ADAM12: variants seen among roughly 807,000 people sequenced by gnomAD.
ADAM12 encodes the protein disintegrin and metalloproteinase domain-containing protein 12.
In ADAM12, 70 loss-of-function variants were observed where a neutral mutation model predicts 106.4. The ratio of observed to expected loss-of-function variants is 0.66; its 90% CI spans 0.54 to 0.80. The LOEUF is 0.80. Ranked by LOEUF, ADAM12 falls within the 30% of genes least tolerant of loss-of-function variation. ADAM12 has a pLI of 0.00. For missense variants in ADAM12, 1,010 were observed against 1,171.9 expected, an observed-to-expected ratio of 0.86 and a Z score of 2.02; for synonymous variants, 420 against 433.5, an observed-to-expected ratio of 0.97 and a Z score of 0.39.
intron 22 of ADAM12, among the ~76,000 whole-genome samples, chr10:126,017,658 G>A (rs923454380): frequency 6.6e-6 from 1 of 152,160 alleles, no homozygotes; most frequent in African/African-American, 2.4e-5. Flanking sequence ...TATACCTAGA[G>A]GATTATTTCA....
At chr10:126,226,896 A>C (rs2133862263) in intron 3 of ADAM12, among the ~76,000 whole-genome samples, 1 of 152,320 alleles carries the variant, frequency 6.6e-6, no homozygotes, top group East Asian at 1.9e-4. Context: ...TCTGGGTGGA[A>C]ATATGAACAT....
At chr10:126,226,110 A>G (rs73382659) in intron 3 of ADAM12, among the ~76,000 whole-genome samples, 299 of 149,860 alleles carry the variant, frequency 2.0e-3, no homozygotes, top group African/African-American at 7.1e-3. Flanking sequence ...TGCTCTAGGC[A>G]CATGGTACAG....
At chr10:126,131,795 T>C (rs1312703581) in intron 5 of ADAM12, among the ~76,000 whole-genome samples, 1 of 152,228 alleles carries the variant, frequency 6.6e-6, no homozygotes, top group East Asian at 1.9e-4. Flanking sequence ...TATTTTGCTA[T>C]GGCAGCCCAT....
intron 5 of ADAM12, among the ~76,000 whole-genome samples, chr10:126,122,110 A>AGG (rs1441180293): frequency 2.6e-5 from 4 of 152,212 alleles, no homozygotes; most frequent in Non-Finnish European, 2.9e-5. Flanking sequence ...TCAGAGAAGA[A>AGG]GGGGTCCAAT....
chr10:126,301,599 T>C (rs897168091), intron 2 of ADAM12, among the ~76,000 whole-genome samples: 4 of 152,112 alleles, frequency 2.6e-5, no homozygotes, highest in Admixed American at 1.3e-4. Flanking sequence ...GTGGCTGACA[T>C]AGCTGAATCA....
At chr10:126,349,550 T>A (rs1360077556) in intron 1 of ADAM12, among the ~76,000 whole-genome samples, 1 of 152,112 alleles carries the variant, frequency 6.6e-6, no homozygotes, top group Non-Finnish European at 1.5e-5. Flanking sequence ...GTGCCAGAGG[T>A]GCCTGTTTTA....
intron 3 of ADAM12, among the ~76,000 whole-genome samples, chr10:126,191,027 A>G (rs1590593215): frequency 8.5e-6 from 1 of 117,674 alleles, no homozygotes; most frequent in African/African-American, 3.3e-5. Flanking sequence ...TTTCAGACAG[A>G]GTCTTGCTCT....
At chr10:126,154,366 T>C (rs957490847) in intron 4 of ADAM12, among the ~76,000 whole-genome samples, 3 of 152,198 alleles carry the variant, frequency 2.0e-5, no homozygotes, top group African/African-American at 7.2e-5. Flanking sequence ...AGCAGCTCAT[T>C]CCACCAAGTT....
Position 126,013,151 on chromosome 10 carries a change from A to G in ADAM12, c.*4128T>C, listed in dbSNP as rs549984972. On this transcript the variant is annotated 3_prime_UTR_variant, in exon 23 of 23. Transcript: ENST00000448723. This position sits in a 1 kb window ranked among gnomAD's most constrained non-coding sequence, Gnocchi z 4.3. ...TTATTCTTAATTTTTCTCATATGAA[A>G]CTGTAATGGCTGTACTAGAAGCTGC... is the stretch of plus-strand genomic sequence containing the variant. The G allele has an allele frequency of 2.4e-4, 36 of 152,316 alleles. No homozygotes were observed. Among genetic ancestry groups the G allele is most frequent in the African/African-American group, 8.4e-4 (35 of 41,554 alleles). The allele number at this position is 152,316 out of a possible 1,614,324, so 9.4% of individuals were successfully genotyped here.
At chr10:126,128,562 T>C (rs1956243740) in intron 5 of ADAM12, among the ~76,000 whole-genome samples, 1 of 151,986 alleles carries the variant, frequency 6.6e-6, no homozygotes, top group Non-Finnish European at 1.5e-5. Context: ...TGTGTGCAAG[T>C]GGGCGCCTGT....
intron 20 of ADAM12, 72 bp from the exon 21 acceptor site, chr10:126,036,397 AG>A: frequency 1.3e-6 from 2 of 1,486,370 alleles, no homozygotes; most frequent in Non-Finnish European, 9.0e-7. Context: ...AGGAAAAAGC[AG>A]TGCTAACTCA....
chr10:126,132,477 G>A (rs1026469161), intron 5 of ADAM12, among the ~76,000 whole-genome samples: 3 of 151,684 alleles, frequency 2.0e-5, no homozygotes, highest in African/African-American at 7.3e-5. Flanking sequence ...GTCTCTACAG[G>A]AGCTGCAAAG....
intron 14 of ADAM12, among the ~76,000 whole-genome samples, chr10:126,058,632 A>G (rs547056788): frequency 2.0e-5 from 3 of 152,348 alleles, no homozygotes; most frequent in Non-Finnish European, 4.4e-5. Flanking sequence ...ATTAAAGGAA[A>G]GAGGCTCAAA....
In ADAM12 at chr10:126,368,965, T is replaced by G. The variant is rs527967193; in HGVS notation, c.88+19093A>C. Among the ~76,000 whole-genome samples the G allele has an allele frequency of 5.1e-4, 77 of 152,310 alleles. 1 individual carries two copies. The South Asian group carries it at 0.016, about 31-fold the overall frequency. Reference sequence around the variant, plus strand: ...ATTAATAGAGACCTCTTGCGATTTTTATTAGACTATCAGCTCACATTTTCT... The same window carrying G: ...ATTAATAGAGACCTCTTGCGATTTTGATTAGACTATCAGCTCACATTTTCT... On this transcript the variant is annotated intron_variant, in intron 1 of 22. Coordinates refer to ENST00000448723, the MANE Select transcript of ADAM12 (RefSeq NM_001288973.2).
intron 2 of ADAM12, among the ~76,000 whole-genome samples, chr10:126,300,916 CT>C (rs546525350): frequency 9.9e-4 from 147 of 148,450 alleles, no homozygotes; most frequent in East Asian, 9.3e-3. Context: ...GTCCTCAGGT[CT>C]TTTCAGTTTG....
chr10:126,229,450 A>C (rs7089282), intron 3 of ADAM12, among the ~76,000 whole-genome samples: 12,004 of 123,642 alleles, frequency 0.097, 1,402 homozygotes, highest in African/African-American at 0.27. Flanking sequence ...AGAGCCTTTT[A>C]AAATTGTTTG....
intron 1 of ADAM12, among the ~76,000 whole-genome samples, chr10:126,350,336 G>A (rs529591471): frequency 6.6e-6 from 1 of 152,304 alleles, no homozygotes; most frequent in East Asian, 1.9e-4. Flanking sequence ...ATAAATCAGA[G>A]CCACATGGAG....
At chr10:126,257,412 A>C (rs2133700408) in intron 3 of ADAM12, among the ~76,000 whole-genome samples, 1 of 152,338 alleles carries the variant, frequency 6.6e-6, no homozygotes, top group African/African-American at 2.4e-5. Context: ...CACTGAGTTT[A>C]GCAAAGGAAC....
intron 4 of ADAM12, among the ~76,000 whole-genome samples, chr10:126,148,991 G>A (rs1158509593): frequency 1.3e-5 from 2 of 152,128 alleles, no homozygotes; most frequent in East Asian, 3.9e-4. Flanking sequence ...CCCAACACAG[G>A]GGCTGCAGCC....
Sources: allele counts gnomAD v4.1 joint callset (sites outside exome capture counted in the v4.1 genomes callset), GRCh38; gene constraint gnomAD v4.1.1; non-coding constraint Gnocchi (gnomAD v3.1); transcripts MANE v1.5; gene names NCBI Gene and HGNC (gene_info 2026-07-23, HGNC 2026-07-21).